Variants in APLF observed in about 807,000 individuals in gnomAD.
APLF encodes the protein aprataxin and PNK-like factor.
A neutral mutation model predicts 55.6 loss-of-function variants in APLF; 61 were observed. The observed-to-expected ratio is 1.10, with a 90% CI of 0.89 to 1.36. APLF has a LOEUF of 1.36. APLF is among the 40% of genes most tolerant of loss of function. The probability of loss-of-function intolerance (pLI) is 0.00; values close to 1 mark genes in which losing one functional copy is unlikely to be tolerated. For missense variants in APLF, 611 were observed against 602.5 expected, an observed-to-expected ratio of 1.01 and a Z score of -0.15; for synonymous variants, 207 against 214.8, an observed-to-expected ratio of 0.96 and a Z score of 0.32.
rs368781998 is a variant in APLF, at chr2:68,577,969, G to T, written c.1483G>T (p.Glu495Ter). ...WEPGKEDEEK[E>*]DVEELLKEAK... ...ACCAGGAAAGGAAGATGAAGAGAAG[G>T]AAGATGTGGAAGAGCTTTTGAAAGA... Residue 495 changes from glutamate (E) to a stop codon, truncating the protein, a stop_gained, in exon 10 of 10, where the codon GAA (glutamate) becomes TAA (stop). Transcript: ENST00000303795. LOFTEE classifies it high-confidence loss of function. The T allele has an allele frequency of 1.9e-6, 3 of 1,613,358 alleles. No homozygotes were observed. The highest frequency in any genetic ancestry group is 2.7e-5 in the African/African-American group (2 of 74,884).
chr2:68,563,496 T>C (rs964838617), intron 8 of APLF: 1 of 440,852 alleles, frequency 2.3e-6, no homozygotes, highest in Non-Finnish European at 3.0e-6. Context: ...CTTCTGAAAC[T>C]TTTAAGTTGA....
intron 5 of APLF, among the ~76,000 whole-genome samples, chr2:68,524,840 G>A (rs534415918): frequency 2.0e-5 from 3 of 152,308 alleles, no homozygotes; most frequent in South Asian, 2.1e-4. Flanking sequence ...CATCACTCTC[G>A]AGTAGAGGAG....
intron 1 of APLF, among the ~76,000 whole-genome samples, chr2:68,485,877 A>G (rs1185957396): frequency 6.8e-6 from 1 of 146,046 alleles, no homozygotes; most frequent in African/African-American, 2.6e-5. Context: ...TGGCGCGATC[A>G]TGGCTCACTG....
chr2:68,566,285 T>C (rs1424030459), intron 8 of APLF, among the ~76,000 whole-genome samples: 1 of 152,096 alleles, frequency 6.6e-6, no homozygotes, highest in East Asian at 1.9e-4. Context: ...TTAGTTCCTG[T>C]GCCCTAAAAG....
chr2:68,562,963 T>G, intron 8 of APLF: 57 of 506,954 alleles, frequency 1.1e-4, no homozygotes, highest in East Asian at 1.5e-4. Flanking sequence ...ATCTATTCTG[T>G]GAGTTCTGTT....
At chr2:68,573,639 C>T (rs1247360256) in intron 9 of APLF, among the ~76,000 whole-genome samples, 2 of 149,092 alleles carry the variant, frequency 1.3e-5, no homozygotes, top group East Asian at 1.9e-4. Context: ...TGCCATTGCA[C>T]TCCAGCCTGG....
At chr2:68,524,959 T>C (rs978679193) in intron 5 of APLF, among the ~76,000 whole-genome samples, 4 of 152,206 alleles carry the variant, frequency 2.6e-5, no homozygotes, top group Non-Finnish European at 4.4e-5. Flanking sequence ...CAATGTCCAT[T>C]GTTATTGAGA....
intron 7 of APLF, among the ~76,000 whole-genome samples, chr2:68,542,228 A>G (rs529610389): frequency 6.6e-6 from 1 of 152,204 alleles, no homozygotes; most frequent in Non-Finnish European, 1.5e-5. Flanking sequence ...GAGAAGCTTC[A>G]TGACATTGGA....
chr2:68,576,693 C>T (rs1671634817), intron 9 of APLF, among the ~76,000 whole-genome samples: 1 of 152,054 alleles, frequency 6.6e-6, no homozygotes, highest in South Asian at 2.1e-4. Context: ...GTTAAAAGGA[C>T]AGATACATTA....
intron 8 of APLF, among the ~76,000 whole-genome samples, chr2:68,560,859 C>T (rs147701526): frequency 2.6e-4 from 39 of 152,180 alleles, no homozygotes; most frequent in African/African-American, 8.4e-4. Flanking sequence ...TTCAAATGCT[C>T]GTATTCCCCC....
chr2:68,579,481 AC>A lies in APLF; in HGVS notation c.*1460del. The A allele has an allele frequency of 1.3e-6, 1 of 798,024 alleles. No homozygotes were observed. Among genetic ancestry groups the A allele is most frequent in the Non-Finnish European group, 1.5e-6 (1 of 659,120 alleles). 49.4% of individuals were successfully genotyped at this position (798,024 alleles called of 1,614,324 possible). A position where few individuals can be genotyped will look rare whatever the true frequency, so the allele number is the denominator to read the frequency against. On this transcript the variant is annotated 3_prime_UTR_variant, in exon 10 of 10. Transcript: ENST00000303795. ...GAATTGAAAACATTTCCACATAAAAACTGTACACAATGTCAATAGAAGCATT... is the reference window on the plus strand; with the variant it reads ...GAATTGAAAACATTTCCACATAAAAATGTACACAATGTCAATAGAAGCATT...
chr2:68,545,136 T>C (rs1262300993), intron 7 of APLF, 51 bp from the exon 8 acceptor site: 1 of 1,595,798 alleles, frequency 6.3e-7, no homozygotes, highest in Non-Finnish European at 8.6e-7. Context: ...CCACTAAAAA[T>C]CTAGAATATC....
chr2:68,472,316 C>T (rs1253196729), intron 1 of APLF, among the ~76,000 whole-genome samples: 1 of 152,132 alleles, frequency 6.6e-6, no homozygotes, highest in Non-Finnish European at 1.5e-5. Flanking sequence ...CCACAAGAGA[C>T]TTTGCAGGAC....
In APLF at chr2:68,577,200, G is replaced by A. The variant is rs72903948; in HGVS notation, c.1334-620G>A. Among the ~76,000 whole-genome samples, 1,337 of 152,260 alleles carry A rather than the reference G, an allele frequency of 8.8e-3. 16 individuals carry two copies. The highest frequency in any genetic ancestry group is 0.031 in the African/African-American group (1,273 of 41,550). ...AGCAAGCTTTTGCTAGGTTTGCTGTGATAACAAACATTTCTAAATTTCAGT... is the reference window on the plus strand; with the variant it reads ...AGCAAGCTTTTGCTAGGTTTGCTGTAATAACAAACATTTCTAAATTTCAGT... On this transcript the variant is annotated intron_variant, in intron 9 of 9. Transcript: ENST00000303795.
intron 5 of APLF, among the ~76,000 whole-genome samples, chr2:68,516,225 A>G (rs1055579242): frequency 3.3e-5 from 5 of 151,672 alleles, no homozygotes; most frequent in Admixed American, 6.6e-5. Context: ...TTTAAAGCCC[A>G]TGTACTAAGG....
chr2:68,492,170 T>C (rs562707075), intron 2 of APLF, among the ~76,000 whole-genome samples: 365 of 152,286 alleles, frequency 2.4e-3, no homozygotes, highest in Middle Eastern at 6.8e-3. Flanking sequence ...TTTGTACTTT[T>C]GTGGCTATTC....
chr2:68,546,942 G>A (rs1670723583), intron 8 of APLF, among the ~76,000 whole-genome samples: 1 of 151,728 alleles, frequency 6.6e-6, no homozygotes, highest in Non-Finnish European at 1.5e-5. Context: ...GATTGCAAAG[G>A]AAGAAATAAA....
chr2:68,526,943 T>C (rs1161243627), intron 6 of APLF, among the ~76,000 whole-genome samples: 2 of 152,192 alleles, frequency 1.3e-5, no homozygotes, highest in South Asian at 4.1e-4. Context: ...TAAACTTTAA[T>C]GTCGAAAATG....
chr2:68,513,188 A>G lies in APLF; in HGVS notation c.450A>G (p.Thr150=). The G allele has an allele frequency of 6.2e-7, 1 of 1,610,860 alleles. No individual in the cohort carries two copies. Among genetic ancestry groups the G allele is most frequent in the Non-Finnish European group, 8.5e-7 (1 of 1,178,322 alleles). ...GTGCCTCACAACTGGAAGGAAGCAC[A>G]GAAATAGCCAAGACCCAGATGACTC... The part of the protein sequence containing the change: ...TTGASQLEGS[T]EIAKTQMTPT... The change falls in exon 4 of 10, where the codon ACA becomes ACG. Residue 150 remains threonine (T), a synonymous_variant. Transcript: ENST00000303795.
Sources: allele counts gnomAD v4.1 joint callset (sites outside exome capture counted in the v4.1 genomes callset), GRCh38; gene constraint gnomAD v4.1.1; transcripts MANE v1.5; gene names NCBI Gene and HGNC (gene_info 2026-07-23, HGNC 2026-07-21).